The following TSC22D2 variants were observed in gnomAD, a reference collection of about 807,000 sequenced individuals.
TSC22D2 encodes the protein TSC22 domain family protein 2.
Under a neutral mutation model 50.1 loss-of-function variants are expected in TSC22D2, and 5 were observed. That is an observed-to-expected ratio of 0.10 (90% CI 0.05 to 0.21). The LOEUF (loss-of-function observed/expected upper bound fraction) is 0.21. Ranked by LOEUF, TSC22D2 falls within the 10% of genes least tolerant of loss-of-function variation. The pLI, the probability that TSC22D2 is intolerant of heterozygous loss-of-function variation, is 1.00. For synonymous variants in TSC22D2, 501 were observed against 450.1 expected (o/e 1.11, Z -1.43); for missense variants, 1,003 against 1,015.5 (o/e 0.99, Z 0.17).
rs184233488 is a variant in TSC22D2 at position 150,465,716 on chromosome 3, C to T, written c.*7080C>T. 8.5e-5 allele frequency: 13 copies of T among 152,214 alleles called. No individual in the cohort carries two copies. The East Asian group carries it at 1.5e-3, about 18-fold the overall frequency. The allele number at this position is 152,214 out of a possible 1,614,324, so 9.4% of individuals were successfully genotyped here. On this transcript the variant is annotated 3_prime_UTR_variant, in exon 3 of 3. Transcript: ENST00000688009. ...AATATTAAATGGAAAATTCCAGAAA[C>T]GAACATAAGTTTTAAACTTCAAACC...
chr3:150,425,691 C>T (rs1720157273), intron 1 of TSC22D2, among the ~76,000 whole-genome samples: 2 of 151,988 alleles, frequency 1.3e-5, no homozygotes, highest in South Asian at 2.1e-4. Flanking sequence ...TTTAAGTGCC[C>T]ATTTTCAGTA....
chr3:150,432,655 G>A (rs1720417494), intron 1 of TSC22D2, among the ~76,000 whole-genome samples: 1 of 151,436 alleles, frequency 6.6e-6, no homozygotes, highest in African/African-American at 2.4e-5. Context: ...TGGAATTGTT[G>A]AACCAGGATA....
chr3:150,428,275 T>C (rs1255860456), intron 1 of TSC22D2, among the ~76,000 whole-genome samples: 1 of 152,138 alleles, frequency 6.6e-6, no homozygotes, highest in East Asian at 1.9e-4. Flanking sequence ...GTATCACATA[T>C]ATAAATGTTT....
intron 1 of TSC22D2, among the ~76,000 whole-genome samples, chr3:150,432,433 TC>T (rs1186509227): frequency 1.3e-5 from 2 of 151,974 alleles, no homozygotes; most frequent in Non-Finnish European, 2.9e-5. Flanking sequence ...TTTATTCAAT[TC>T]TTTTTTTTTC....
rs541627096 is a variant in TSC22D2 at position 150,409,742 on chromosome 3, C to G, written c.392C>G (p.Pro131Arg). 4.4e-6 allele frequency: 7 copies of G among 1,601,414 alleles called. No homozygotes were observed. Among genetic ancestry groups the G allele is most frequent in the Non-Finnish European group, 5.1e-6 (6 of 1,177,952 alleles). Residue 131 changes from proline (P) to arginine (R), a missense_variant, in exon 1 of 3, where the codon CCC becomes CGC. Pro to Arg is a moderately radical substitution (Grantham distance 103). This residue lies in a region of TSC22D2 where 200 missense variants were observed against 182.8 expected (regional missense o/e 1.09). Transcript: ENST00000688009. This position sits in a 1 kb window ranked among gnomAD's most constrained non-coding sequence, Gnocchi z 7.4. Reference protein sequence around the residue: ...LAAAATSAPAPGAPGGPQLAG... With the variant: ...LAAAATSAPARGAPGGPQLAG... ...GCGGCTGCCACTTCGGCCCCCGCCC[C>G]CGGAGCACCCGGCGGCCCCCAGCTC... is the stretch of plus-strand genomic sequence containing the variant.
chr3:150,454,954 T>G (rs774400722), intron 1 of TSC22D2, among the ~76,000 whole-genome samples: 7 of 151,042 alleles, frequency 4.6e-5, no homozygotes, highest in Non-Finnish European at 1.0e-4. Context: ...ACTCGCTGAC[T>G]GATTTTAATT....
intron 1 of TSC22D2, among the ~76,000 whole-genome samples, chr3:150,419,012 T>A (rs978532428): frequency 6.6e-6 from 1 of 152,060 alleles, no homozygotes; most frequent in Admixed American, 6.5e-5. Flanking sequence ...CTTGATAATG[T>A]CAGAACATTT....
At chr3:150,443,739 AGAGT>A (rs1576553955) in intron 1 of TSC22D2, among the ~76,000 whole-genome samples, 1 of 152,200 alleles carries the variant, frequency 6.6e-6, no homozygotes, top group African/African-American at 2.4e-5. Flanking sequence ...GATTCAGTAG[AGAGT>A]GAGATTAGTC....
chr3:150,409,613 T>A lies in TSC22D2; in HGVS notation c.263T>A (p.Leu88His), dbSNP rs1363676503. The A allele has an allele frequency of 8.1e-6, 13 of 1,607,506 alleles. No homozygotes were observed. The highest frequency in any genetic ancestry group is 1.7e-5 in the Admixed American group (1 of 59,778). ...AETPGTVSPN[L>H]LLDGQLAAAA... ...ACTCCCGGGACCGTCTCCCCAAACC[T>A]CCTCCTAGATGGGCAGCTGGCAGCG... Residue 88 changes from leucine to histidine, a missense_variant, in exon 1 of 3, where the codon CTC becomes CAC. Leu to His is a moderately conservative substitution (Grantham distance 99, BLOSUM62 -3). Transcript: ENST00000688009. The surrounding 1 kb of genome is among the most constrained non-coding windows in gnomAD (Gnocchi z 7.4).
At chr3:150,419,131 A>G (rs1719924133) in intron 1 of TSC22D2, among the ~76,000 whole-genome samples, 1 of 152,104 alleles carries the variant, frequency 6.6e-6, no homozygotes, top group Non-Finnish European at 1.5e-5. Flanking sequence ...TCCTATGTAT[A>G]TAGACTTTCA....
intron 1 of TSC22D2, among the ~76,000 whole-genome samples, chr3:150,420,223 C>A (rs1344995939): frequency 6.6e-6 from 1 of 152,156 alleles, no homozygotes; most frequent in Non-Finnish European, 1.5e-5. Context: ...CTTCCTTGAT[C>A]AGTGATTTCA....
At chr3:150,420,490 G>C (rs1719969234) in intron 1 of TSC22D2, among the ~76,000 whole-genome samples, 1 of 152,182 alleles carries the variant, frequency 6.6e-6, no homozygotes, top group Non-Finnish European at 1.5e-5. Context: ...TATGTAGAAA[G>C]AGTGATTGTT....
At chr3:150,428,902 T>A (rs532944331) in intron 1 of TSC22D2, among the ~76,000 whole-genome samples, 3 of 152,278 alleles carry the variant, frequency 2.0e-5, no homozygotes, top group African/African-American at 7.2e-5. Flanking sequence ...AATACAACTA[T>A]CTTCCTGTCT....
At chr3:150,434,002 G>A (rs138281858) in intron 1 of TSC22D2, among the ~76,000 whole-genome samples, 25 of 152,320 alleles carry the variant, frequency 1.6e-4, no homozygotes, top group African/African-American at 2.4e-4. Flanking sequence ...TTGAACCCAC[G>A]AGGTAGAGGT....
intron 1 of TSC22D2, among the ~76,000 whole-genome samples, chr3:150,449,442 G>A (rs906639582): frequency 6.6e-6 from 1 of 152,048 alleles, no homozygotes; most frequent in Non-Finnish European, 1.5e-5. Context: ...CCTTCTTTAT[G>A]TGTATATAAG....
At chr3:150,411,767 A>G (rs1357228413) in intron 1 of TSC22D2, among the ~76,000 whole-genome samples, 4 of 152,248 alleles carry the variant, frequency 2.6e-5, no homozygotes, top group African/African-American at 9.6e-5. Flanking sequence ...AAATCTATGT[A>G]AGGAATCTTC....
At position 150,410,067 on chromosome 3, in the gene TSC22D2, G is replaced by A; in HGVS notation, c.717G>A (p.Glu239=). 1 of 1,613,110 alleles carries A rather than the reference G, an allele frequency of 6.2e-7. No homozygotes were observed. The highest frequency in any genetic ancestry group is 8.5e-7 in the Non-Finnish European group (1 of 1,180,028). ...VASMQGAHGP[E]SGTDSSLTAV... is the part of the protein sequence containing the mutation. ...CCATGCAGGGGGCGCACGGGCCCGA[G>A]TCGGGAACTGACAGCTCCTTGACTG... The change falls in exon 1 of 3, where the codon GAG becomes GAA. Residue 239 remains glutamate (E), a synonymous_variant. Transcript: ENST00000688009.
chr3:150,430,527 A>G (rs1303371778), intron 1 of TSC22D2, among the ~76,000 whole-genome samples: 1 of 152,236 alleles, frequency 6.6e-6, no homozygotes, highest in East Asian at 1.9e-4. Flanking sequence ...AGAAAGTATT[A>G]GTGAAAGAAT....
chr3:150,429,819 A>G (rs1395215310), intron 1 of TSC22D2, among the ~76,000 whole-genome samples: 12 of 152,112 alleles, frequency 7.9e-5, no homozygotes, highest in Non-Finnish European at 1.3e-4. Context: ...GTTACTTGCT[A>G]TTTAAGGCAT....
Sources: allele counts gnomAD v4.1 joint callset (sites outside exome capture counted in the v4.1 genomes callset), GRCh38; gene constraint gnomAD v4.1.1; regional missense constraint gnomAD v4.1.1; non-coding constraint Gnocchi (gnomAD v3.1); transcripts MANE v1.5; gene names NCBI Gene and HGNC (gene_info 2026-07-23, HGNC 2026-07-21).